IMPG1: variants seen among roughly 807,000 people sequenced by gnomAD.
IMPG1 encodes interphotoreceptor matrix proteoglycan 1.
Under a neutral mutation model 92.0 loss-of-function variants are expected in IMPG1, and 85 were observed. The ratio of observed to expected loss-of-function variants is 0.92; its 90% CI spans 0.78 to 1.11. IMPG1 has a LOEUF of 1.11. IMPG1 is among the 50% of genes least tolerant of loss of function. The pLI, the probability that IMPG1 is intolerant of heterozygous loss-of-function variation, is 0.00. For synonymous variants in IMPG1, 367 were observed against 334.1 expected (o/e 1.10, Z -1.08); for missense variants, 1,022 against 956.0 (o/e 1.07, Z -0.91).
intron 1 of IMPG1, among the ~76,000 whole-genome samples, chr6:76,050,358 G>A (rs9447592): frequency 0.015 from 2,218 of 152,174 alleles, 55 homozygotes; most frequent in African/African-American, 0.051. Flanking sequence ...CATGAGAATC[G>A]CTTGAACCTG....
chr6:75,927,739 C>T (rs1178714552), intron 15 of IMPG1, among the ~76,000 whole-genome samples: 3 of 151,382 alleles, frequency 2.0e-5, no homozygotes, highest in African/African-American at 7.3e-5. Flanking sequence ...CCCTCCCTCC[C>T]TTTCTTCCTT....
In IMPG1 at chr6:75,962,360, C is replaced by T. The variant is rs2148264; in HGVS notation, c.1292-11266G>A. ...CAGGCTGGTCTCAAACTCCTGGGCT[C>T]AAATGATCCTTCTGCCACAGCCTCC... On this transcript the variant is annotated intron_variant, in intron 12 of 16. Coordinates refer to ENST00000369950, the MANE Select transcript of IMPG1 (RefSeq NM_001563.4). 4.2e-3 allele frequency among the ~76,000 whole-genome samples: 640 copies of T among 152,198 alleles called. 6 individuals carry two copies. Among genetic ancestry groups the T allele is most frequent in the African/African-American group, 0.015 (618 of 41,518 alleles).
chr6:75,943,294 T>C (rs1781864452), intron 14 of IMPG1, among the ~76,000 whole-genome samples: 1 of 152,092 alleles, frequency 6.6e-6, no homozygotes, highest in Non-Finnish European at 1.5e-5. Flanking sequence ...ATGCTGGAAG[T>C]GTGGGCCTAA....
At chr6:75,976,157 G>A (rs1333762736) in intron 12 of IMPG1, among the ~76,000 whole-genome samples, 2 of 152,106 alleles carry the variant, frequency 1.3e-5, no homozygotes. Context: ...TTCAATATGT[G>A]TTCATTTTAC....
chr6:76,018,020 G>A (rs13218878), intron 7 of IMPG1, among the ~76,000 whole-genome samples: 2,510 of 152,286 alleles, frequency 0.016, 38 homozygotes, highest in Non-Finnish European at 0.027. Flanking sequence ...TAGGATTACA[G>A]GCATGAGCCA....
At chr6:75,976,919 A>G (rs1782546428) in intron 12 of IMPG1, among the ~76,000 whole-genome samples, 1 of 152,090 alleles carries the variant, frequency 6.6e-6, no homozygotes, top group Non-Finnish European at 1.5e-5. Flanking sequence ...TAAAAAAAAA[A>G]AAAAAAGAAT....
intron 1 of IMPG1, among the ~76,000 whole-genome samples, chr6:76,070,079 C>A (rs1293016714): frequency 6.6e-6 from 1 of 152,152 alleles, no homozygotes; most frequent in Non-Finnish European, 1.5e-5. Context: ...CAAAACTCAG[C>A]ATCATGCAAT....
chr6:76,003,923 C>A lies in IMPG1; in HGVS notation c.1163G>T (p.Gly388Val). The A allele has an allele frequency of 6.2e-7, 1 of 1,613,070 alleles. No individual in the cohort carries two copies. Among genetic ancestry groups the A allele is most frequent in the Non-Finnish European group, 8.5e-7 (1 of 1,179,604 alleles). Residue 388 changes from glycine (G) to valine (V), a missense_variant, in exon 11 of 17, where the codon GGT becomes GTT. Physicochemically the swap from Gly to Val is moderately radical, Grantham distance 109. Transcript: ENST00000369950. ...GGGCAGCTCTGATTGGGTGTCAGGA[C>A]CAAAGGCTGGCAGTGATCCAGCAAT... Reference protein sequence around the residue: ...DEIAGSLPAFGPDTQSELPTS... With the variant: ...DEIAGSLPAFVPDTQSELPTS...
intron 7 of IMPG1, among the ~76,000 whole-genome samples, chr6:76,012,939 C>G (rs987774844): frequency 2.0e-5 from 3 of 152,006 alleles, no homozygotes; most frequent in Non-Finnish European, 2.9e-5. Flanking sequence ...TACCTTCCCT[C>G]CCACCCCCCA....
At chr6:75,964,321 A>C (rs1172168817) in intron 12 of IMPG1, among the ~76,000 whole-genome samples, 1 of 151,988 alleles carries the variant, frequency 6.6e-6, no homozygotes, top group Non-Finnish European at 1.5e-5. Flanking sequence ...ATTAGAAACC[A>C]CTGAATTGTC....
intron 14 of IMPG1, among the ~76,000 whole-genome samples, chr6:75,938,650 T>G (rs1292877372): frequency 3.3e-5 from 5 of 151,818 alleles, no homozygotes; most frequent in African/African-American, 1.2e-4. Context: ...CCGTCTCCAC[T>G]AAAAATACAA....
rs545634442 is a variant in IMPG1, at chr6:75,990,424, C to A, written c.1291+12494G>T. 3.2e-4 allele frequency among the ~76,000 whole-genome samples: 48 copies of A among 152,172 alleles called. No homozygotes were observed. In the South Asian group the frequency reaches 9.7e-3, roughly 31 times the overall value. On this transcript the variant is annotated intron_variant, in intron 12 of 16. Transcript: ENST00000369950. ...CTCAATAGTCAAAATGTTAAATTCC[C>A]TCTGAGATTGATGGGACCTATTTAA...
Position 76,072,436 on chromosome 6 carries a change from A to C in IMPG1, c.53T>G (p.Val18Gly). ...AIFVFWIFLQ[V>G]QGTKDISINI... ...AAGTAACTTACCTTTGGTTCCTTGA[A>C]CTTGGAGAAAAATCCAAAAAACAAA... The change falls in exon 1 of 17, where the codon GTT becomes GGT. Residue 18 changes from valine (V) to glycine (G), a missense_variant. Around this residue, in one of 3 missense-constraint regions of IMPG1, gnomAD observed 681 missense variants for 583.6 expected, o/e 1.17. Transcript: ENST00000369950. 6.3e-7 allele frequency: 1 copy of C among 1,583,756 alleles called. No homozygotes were observed. Among genetic ancestry groups the C allele is most frequent in the Non-Finnish European group, 8.6e-7 (1 of 1,156,230 alleles).
intron 12 of IMPG1, among the ~76,000 whole-genome samples, chr6:75,965,606 C>T (rs373228508): frequency 4.7e-4 from 53 of 112,426 alleles, no homozygotes; most frequent in East Asian, 7.9e-4. Context: ...CATACTTGTT[C>T]TTTTTTTTTT....
chr6:76,068,136 G>A lies in IMPG1; in HGVS notation c.67+4286C>T, dbSNP rs138096671. Among the ~76,000 whole-genome samples, 16 of 152,266 alleles carry A rather than the reference G, an allele frequency of 1.1e-4. No homozygotes were observed. The East Asian group carries it at 3.1e-3, about 29-fold the overall frequency. On this transcript the variant is annotated intron_variant, in intron 1 of 16. Coordinates refer to ENST00000369950, the MANE Select transcript of IMPG1 (RefSeq NM_001563.4). ...CCCCTAAGAACTGGAAGAAGACAAG[G>A]ATGCCCACTTTAACCACTCCTATTC...
At chr6:75,939,981 GTC>G (rs1781811142) in intron 14 of IMPG1, among the ~76,000 whole-genome samples, 1 of 152,088 alleles carries the variant, frequency 6.6e-6, no homozygotes, top group African/African-American at 2.4e-5. Context: ...CCTTTGAACT[GTC>G]CACTTAAGTG....
chr6:75,995,967 C>T (rs1267953767), intron 12 of IMPG1, among the ~76,000 whole-genome samples: 1 of 152,220 alleles, frequency 6.6e-6, no homozygotes, highest in African/African-American at 2.4e-5. Flanking sequence ...GCCTAATAAG[C>T]ACCACATAAA....
intron 7 of IMPG1, among the ~76,000 whole-genome samples, chr6:76,014,427 C>T (rs914644355): frequency 6.6e-6 from 1 of 152,174 alleles, no homozygotes; most frequent in East Asian, 1.9e-4. Context: ...CACCCACACC[C>T]TGCCATGGGC....
At chr6:75,945,343 C>CTCTTTTTTTTTTT (rs957676337) in intron 14 of IMPG1, among the ~76,000 whole-genome samples, 1 of 147,740 alleles carries the variant, frequency 6.8e-6, no homozygotes, top group Non-Finnish European at 1.5e-5. Context: ...TTCTTTTCTT[C>CTCTTTTTTTTTTT]TCTTTTTTTT....
Sources: allele counts gnomAD v4.1 joint callset (sites outside exome capture counted in the v4.1 genomes callset), GRCh38; gene constraint gnomAD v4.1.1; regional missense constraint gnomAD v4.1.1; transcripts MANE v1.5; gene names NCBI Gene and HGNC (gene_info 2026-07-23, HGNC 2026-07-21).